Variants in NFATC3 observed in about 807,000 individuals in gnomAD.
The protein encoded by NFATC3 is nuclear factor of activated T-cells, cytoplasmic 3.
NFATC3 carries 46 observed loss-of-function variants against 98.6 expected under a neutral mutation model. That is an observed-to-expected ratio of 0.47 (90% CI 0.37 to 0.60). The LOEUF (loss-of-function observed/expected upper bound fraction) is 0.60, where lower values mean the gene tolerates loss of function less well. Ranked by LOEUF, NFATC3 falls within the 20% of genes least tolerant of loss-of-function variation. The pLI is 0.00. For missense variants in NFATC3, 1,256 were observed against 1,295.5 expected (o/e 0.97, Z 0.47); for synonymous variants, 512 against 472.2 (o/e 1.08, Z -1.09).
chr16:68,129,476 C>T (rs902297795), intron 3 of NFATC3, among the ~76,000 whole-genome samples: 1 of 152,176 alleles, frequency 6.6e-6, no homozygotes, highest in Admixed American at 6.5e-5. Context: ...TTGATGCTCC[C>T]TTTCAATCTG....
At chr16:68,175,748 C>T (rs1044480048) in intron 6 of NFATC3, among the ~76,000 whole-genome samples, 5 of 151,820 alleles carry the variant, frequency 3.3e-5, no homozygotes, top group Admixed American at 2.0e-4. Flanking sequence ...TTGGTAGACA[C>T]GGGATTTTGC....
chr16:68,226,519 T>C lies in NFATC3; in HGVS notation c.*48T>C. Reference sequence around the variant, plus strand: ...TCCACCACCAACTTCTCAGCATGTTTCTCTCCTTGGACCTTGGGTTTCCAA... The same window carrying C: ...TCCACCACCAACTTCTCAGCATGTTCCTCTCCTTGGACCTTGGGTTTCCAA... On this transcript the variant is annotated 3_prime_UTR_variant, in exon 10 of 10. Transcript: ENST00000346183. The C allele has an allele frequency of 6.9e-7, 1 of 1,453,840 alleles. No homozygotes were observed. Among genetic ancestry groups the C allele is most frequent in the Non-Finnish European group, 9.0e-7 (1 of 1,106,158 alleles). 90.1% of individuals were successfully genotyped at this position (1,453,840 alleles called of 1,614,324 possible). A position where few individuals can be genotyped will look rare whatever the true frequency, so the allele number is the denominator to read the frequency against.
chr16:68,093,027 A>G (rs1490261867), intron 1 of NFATC3, among the ~76,000 whole-genome samples: 1 of 152,068 alleles, frequency 6.6e-6, no homozygotes, highest in Non-Finnish European at 1.5e-5. Flanking sequence ...GTTATCTTCA[A>G]TTCCCACTCC....
intron 8 of NFATC3, 88 bp from the exon 9 acceptor site, chr16:68,190,680 G>A (rs1326615403): frequency 4.3e-6 from 6 of 1,381,128 alleles, no homozygotes; most frequent in Non-Finnish European, 4.9e-6. Flanking sequence ...CTCAGCTTAC[G>A]CTGTAGTTGT....
rs58921280 is a variant in NFATC3, at chr16:68,128,292, G to A, written c.1401+1682G>A. Among the ~76,000 whole-genome samples the A allele has an allele frequency of 6.4e-3, 969 of 151,396 alleles. 11 individuals are homozygous for A. Among genetic ancestry groups the A allele is most frequent in the African/African-American group, 0.022 (919 of 41,264 alleles). The stretch of plus-strand genomic sequence containing the variant: ...CTGATCATGTTTTATAGTTCTTTAC[G>A]TATAAAGATTTACATTTTAGATGGG... On this transcript the variant is annotated intron_variant, in intron 3 of 9. Transcript: ENST00000346183.
At chr16:68,186,939 C>T (rs766347044) in intron 8 of NFATC3, among the ~76,000 whole-genome samples, 37 of 152,230 alleles carry the variant, frequency 2.4e-4, no homozygotes, top group Non-Finnish European at 4.6e-4. Flanking sequence ...CTTTGCCAGC[C>T]GAAAACCCCT....
chr16:68,203,789 G>A (rs1283358533), intron 9 of NFATC3, among the ~76,000 whole-genome samples: 1 of 152,058 alleles, frequency 6.6e-6, no homozygotes, highest in Non-Finnish European at 1.5e-5. Flanking sequence ...GGTGGCTCGT[G>A]CCTGTAATCC....
chr16:68,124,431 CTT>C (rs60875488), intron 2 of NFATC3, among the ~76,000 whole-genome samples: 511 of 130,806 alleles, frequency 3.9e-3, no homozygotes, highest in Admixed American at 4.7e-3. Flanking sequence ...TCTTTTCTTT[CTT>C]TTTTTTTTTT....
chr16:68,138,465 A>AT (rs2037564340), intron 3 of NFATC3: 3 of 1,245,762 alleles, frequency 2.4e-6, no homozygotes, highest in African/African-American at 3.1e-5. Context: ...GACCAAAAAA[A>AT]TTTTTTAAAA....
rs151143086 is a variant in NFATC3 at position 68,111,137 on chromosome 16, A to G, written c.104-10850A>G. Among the ~76,000 whole-genome samples the G allele has an allele frequency of 5.1e-3, 770 of 151,252 alleles. 8 individuals are homozygous for G. The highest frequency in any genetic ancestry group is 0.017 in the African/African-American group (701 of 41,408). On this transcript the variant is annotated intron_variant, in intron 1 of 9. Transcript: ENST00000346183. ...AGAATGTATATTCTGTTTTTGGGTA[A>G]GTCTACTTGATCACAGCTGAACTCA...
intron 5 of NFATC3, among the ~76,000 whole-genome samples, chr16:68,168,535 G>C (rs2039320405): frequency 6.7e-6 from 1 of 150,106 alleles, no homozygotes; most frequent in South Asian, 2.1e-4. Context: ...ATCCAGGCTC[G>C]AGTGCAATGG....
Position 68,126,527 on chromosome 16 carries a change from A to C in NFATC3, c.1318A>C (p.Lys440Gln). Residue 440 changes from lysine (K) to glutamine (Q), a missense_variant, in exon 3 of 10, where the codon AAA becomes CAA. Lys to Gln is a moderately conservative substitution (Grantham distance 53, BLOSUM62 1). Transcript: ENST00000346183. ...QCELKIEVQPKTHHRAHYETE... is the reference protein window; with the variant it reads ...QCELKIEVQPQTHHRAHYETE... ...TGAACTGAAAATAGAAGTGCAACCT[A>C]AAACTCATCATCGAGCCCATTATGA... 1 of 1,614,184 alleles carries C rather than the reference A, an allele frequency of 6.2e-7. No homozygotes were observed. The highest frequency in any genetic ancestry group is 8.5e-7 in the Non-Finnish European group (1 of 1,180,024).
intron 4 of NFATC3, among the ~76,000 whole-genome samples, chr16:68,165,800 T>A (rs2151593731): frequency 6.6e-6 from 1 of 152,314 alleles, no homozygotes; most frequent in Middle Eastern, 3.4e-3. Context: ...ATAGATCCAG[T>A]AAGAGGACAG....
chr16:68,182,378 A>G (rs910926760), intron 7 of NFATC3, among the ~76,000 whole-genome samples: 2 of 152,192 alleles, frequency 1.3e-5, no homozygotes, highest in African/African-American at 4.8e-5. Context: ...GTGCTTTCCA[A>G]AGATTTGGAG....
At chr16:68,190,608 C>T (rs767149979) in intron 8 of NFATC3, among the ~76,000 whole-genome samples, 160 bp from the exon 9 acceptor site, 4 of 152,142 alleles carry the variant, frequency 2.6e-5, no homozygotes, top group South Asian at 4.1e-4. Context: ...TATGTCTACA[C>T]GTACACACAG....
intron 3 of NFATC3, among the ~76,000 whole-genome samples, chr16:68,137,576 C>G (rs2037491792): frequency 6.6e-6 from 1 of 151,274 alleles, no homozygotes; most frequent in South Asian, 2.1e-4. Context: ...ACTTCTTACA[C>G]TGTAATTATC....
chr16:68,088,024 C>T (rs2034485133), intron 1 of NFATC3, among the ~76,000 whole-genome samples: 1 of 152,068 alleles, frequency 6.6e-6, no homozygotes, highest in Admixed American at 6.6e-5. Context: ...TTCAGAATTA[C>T]TTGTTCACAA....
chr16:68,183,769 C>T (rs549903346), intron 8 of NFATC3, among the ~76,000 whole-genome samples: 2 of 151,932 alleles, frequency 1.3e-5, no homozygotes, highest in East Asian at 1.9e-4. Flanking sequence ...TTAGGGAGGC[C>T]GAGGCGGGAG....
At chr16:68,207,598 G>A (rs759178655) in intron 9 of NFATC3, among the ~76,000 whole-genome samples, 2 of 152,070 alleles carry the variant, frequency 1.3e-5, no homozygotes, top group Non-Finnish European at 2.9e-5. Context: ...TGAGTAGCTG[G>A]GATTACAGGC....
Sources: allele counts gnomAD v4.1 joint callset (sites outside exome capture counted in the v4.1 genomes callset), GRCh38; gene constraint gnomAD v4.1.1; transcripts MANE v1.5; gene names NCBI Gene and HGNC (gene_info 2026-07-23, HGNC 2026-07-21).